The following MORN2 variants were observed in gnomAD, a reference collection of about 807,000 sequenced individuals.
MORN2 encodes MORN repeat containing 2, also known as MORN repeat-containing protein 2.
In MORN2, 15 loss-of-function variants were observed where a neutral mutation model predicts 13.4. The observed-to-expected ratio is 1.12, with a 90% CI of 0.75 to 1.72. The LOEUF is 1.72. Ranked by LOEUF, MORN2 falls within the 40% of genes most tolerant of loss-of-function variation. The probability of loss-of-function intolerance (pLI) is 0.00; values close to 1 mark genes in which losing one functional copy is unlikely to be tolerated. For synonymous variants in MORN2, 46 were observed against 43.6 expected (o/e 1.06, Z -0.22); for missense variants, 168 against 134.6 (o/e 1.25, Z -1.23).
chr2:38,880,580 A>G lies in MORN2; in HGVS notation c.110-20A>G. ...ATAACTATTCTCATTTATAATCTTC[A>G]GTTTTTCTCCTCTGTTTAGATGGTG... is the stretch of plus-strand genomic sequence containing the variant. On this transcript the variant is annotated intron_variant, in intron 2 of 4. Transcript: ENST00000644631. 7.6e-6 allele frequency: 11 copies of G among 1,451,326 alleles called. No individual in the cohort carries two copies. Among genetic ancestry groups the G allele is most frequent in the Non-Finnish European group, 1.0e-5 (11 of 1,080,792 alleles). The allele number at this position is 1,451,326 out of a possible 1,614,324, so 89.9% of individuals were successfully genotyped here.
Position 38,881,479 on chromosome 2 carries a change from C to T in MORN2, c.254C>T (p.Ala85Val). ...GGAAGACTTGAGCATTTTTCAGGAG[C>T]AGTATATGAAGGACAATTTAAGGAT... Residue 85 changes from alanine (A) to valine (V), a missense_variant, in exon 4 of 5, where the codon GCA becomes GTA. Physicochemically the swap from Ala to Val is moderately conservative, Grantham distance 64. Transcript: ENST00000644631. The T allele has an allele frequency of 6.5e-7, 1 of 1,540,182 alleles. No homozygotes were observed. The highest frequency in any genetic ancestry group is 8.7e-7 in the Non-Finnish European group (1 of 1,143,154).
intron 1 of MORN2, among the ~76,000 whole-genome samples, chr2:38,879,328 A>G (rs1427899275): frequency 6.6e-6 from 1 of 152,200 alleles, no homozygotes; most frequent in African/African-American, 2.4e-5. Flanking sequence ...GAAAATGTAC[A>G]TCAGTGTTTA....
rs1011261026 is a variant in MORN2, at chr2:38,881,545, G to A, written c.320G>A (p.Gly107Glu). 3 of 1,534,016 alleles carry A rather than the reference G, an allele frequency of 2.0e-6. No individual in the cohort carries two copies. The highest frequency in any genetic ancestry group is 2.6e-6 in the Non-Finnish European group (3 of 1,141,110). The change falls in exon 4 of 5, where the codon GGG (glycine) becomes GAG (glutamate). Residue 107 changes from glycine (G) to glutamate (E), a missense_variant. Transcript: ENST00000644631. Reference sequence around the variant, plus strand: ...CTGGGGACTTACACATTCCCAAATGGGGCAAAGTATACTGGAAATTTCAAT... The same window carrying A: ...CTGGGGACTTACACATTCCCAAATGAGGCAAAGTATACTGGAAATTTCAAT...
In MORN2 at chr2:38,881,550, A is replaced by C. The variant is rs1028053092; in HGVS notation, c.325A>C (p.Lys109Gln). ...GACTTACACATTCCCAAATGGGGCA[A>C]AGTATACTGGAAATTTCAATGAAAA... The change falls in exon 4 of 5, where the codon AAG becomes CAG. Residue 109 changes from lysine (K) to glutamine (Q), a missense_variant. By Grantham distance (53) the Lys-to-Gln change is moderately conservative. Coordinates refer to ENST00000644631, the MANE Select transcript of MORN2 (RefSeq NM_001145450.3). 6.5e-7 allele frequency: 1 copy of C among 1,529,192 alleles called. No individual in the cohort carries two copies. The highest frequency in any genetic ancestry group is 8.8e-7 in the Non-Finnish European group (1 of 1,140,238). The allele number at this position is 1,529,192 out of a possible 1,614,324, so 94.7% of individuals were successfully genotyped here. A position where few individuals can be genotyped will look rare whatever the true frequency, so the allele number is the denominator to read the frequency against.
intron 3 of MORN2, 84 bp downstream of exon 3, chr2:38,880,790 A>G (rs1027807018): frequency 6.9e-7 from 1 of 1,440,968 alleles, no homozygotes; most frequent in Non-Finnish European, 9.4e-7. Flanking sequence ...TTAATCAAAA[A>G]CTCCTATAAT....
chr2:38,877,286 ATAAATTAAAT>A (rs1174192370), intron 1 of MORN2, among the ~76,000 whole-genome samples: 6 of 93,594 alleles, frequency 6.4e-5, no homozygotes, highest in East Asian at 5.3e-4. Context: ...AAATAAATAA[ATAAATTAAAT>A]TAAATTAAAT....
intron 3 of MORN2, 68 bp downstream of exon 3, chr2:38,880,774 T>TC (rs1169075755): frequency 4.0e-6 from 6 of 1,517,520 alleles, no homozygotes; most frequent in Non-Finnish European, 5.3e-6. Flanking sequence ...TCCAGGCATT[T>TC]CACCATTAAT....
At chr2:38,877,191 G>A (rs1364099289) in intron 1 of MORN2, among the ~76,000 whole-genome samples, 1 of 152,078 alleles carries the variant, frequency 6.6e-6, no homozygotes. Flanking sequence ...GCGTGAACCC[G>A]GGAGGCGGAG....
At position 38,881,583 on chromosome 2, in the gene MORN2, G is replaced by A. The variant is rs1266922892; in HGVS notation, c.353+5G>A. ...TGGAAATTTCAATGAAAATAGGTAA[G>A]CTTAAAATAAAAAAAAATCACTGCA... On this transcript the variant is annotated splice_donor_5th_base_variant and intron_variant, in intron 4 of 4. Coordinates refer to ENST00000644631, the MANE Select transcript of MORN2 (RefSeq NM_001145450.3). The A allele has an allele frequency of 2.0e-6, 3 of 1,492,664 alleles. No homozygotes were observed. Among genetic ancestry groups the A allele is most frequent in the Non-Finnish European group, 1.8e-6 (2 of 1,125,110 alleles). The allele number at this position is 1,492,664 out of a possible 1,614,324, so 92.5% of individuals were successfully genotyped here.
In MORN2 at chr2:38,882,612, C is replaced by A; in HGVS notation, c.*97C>A. The A allele has an allele frequency of 1.3e-6, 1 of 791,064 alleles. No homozygotes were observed. The highest frequency in any genetic ancestry group is 2.0e-6 in the Non-Finnish European group (1 of 503,840). 49.0% of individuals were successfully genotyped at this position (791,064 alleles called of 1,614,324 possible). On this transcript the variant is annotated 3_prime_UTR_variant, in exon 5 of 5. Coordinates refer to ENST00000644631, the MANE Select transcript of MORN2 (RefSeq NM_001145450.3). ...TATTTGAAATGACTTCATACACTAC[C>A]CCTATAAGTTTGCCAATAAAACCAT...
chr2:38,878,575 T>G (rs1022724954), intron 1 of MORN2, among the ~76,000 whole-genome samples: 3 of 152,200 alleles, frequency 2.0e-5, no homozygotes, highest in Admixed American at 6.5e-5. Context: ...TTGTGCTACT[T>G]TCTAAGCACA....
rs1361055235 is a variant in MORN2 at position 38,880,712 on chromosome 2, ATTG to A, written c.216+12_216+14del. 1.9e-6 allele frequency: 3 copies of A among 1,549,758 alleles called. No homozygotes were observed. Among genetic ancestry groups the A allele is most frequent in the Non-Finnish European group, 2.6e-6 (3 of 1,146,662 alleles). ...GAAGCTGGAAAGATGACAAGGTATT[ATTG>A]TTGTTTTTAATATTGGCAGTGGATA... is the stretch of plus-strand genomic sequence containing the variant. On this transcript the variant is annotated splice_region_variant and intron_variant, in intron 3 of 4. Coordinates refer to ENST00000644631, the MANE Select transcript of MORN2 (RefSeq NM_001145450.3).
intron 1 of MORN2, 35 bp from the exon 2 acceptor site, chr2:38,880,144 A>G (rs1213276642): frequency 7.5e-6 from 3 of 398,554 alleles, no homozygotes; most frequent in African/African-American, 6.2e-5. Context: ...AAAAAAAGTA[A>G]ACTTATGTCA....
chr2:38,879,553 A>C (rs1207272303), intron 1 of MORN2, among the ~76,000 whole-genome samples: 1 of 151,976 alleles, frequency 6.6e-6, no homozygotes, highest in African/African-American at 2.4e-5. Flanking sequence ...ATATTATATG[A>C]TTTCATTTAT....
intron 1 of MORN2, among the ~76,000 whole-genome samples, chr2:38,879,025 A>T (rs1665717765): frequency 6.6e-6 from 1 of 152,208 alleles, no homozygotes; most frequent in South Asian, 2.1e-4. Flanking sequence ...GTTTTAGTCC[A>T]GTAAGTGTCC....
At position 38,880,657 on chromosome 2, in the gene MORN2, A is replaced by G; in HGVS notation, c.167A>G (p.His56Arg). ...TACGAGAGAAATGGAATAGGTATTC[A>G]TACCACTCCTAATGGGATTGTCTAC... The change falls in exon 3 of 5, where the codon CAT (histidine) becomes CGT (arginine). Residue 56 changes from histidine (H) to arginine (R), a missense_variant. Transcript: ENST00000644631. The G allele has an allele frequency of 6.5e-7, 1 of 1,549,222 alleles. No homozygotes were observed. Among genetic ancestry groups the G allele is most frequent in the Non-Finnish European group, 8.7e-7 (1 of 1,146,406 alleles).
chr2:38,879,834 A>G (rs921316557), intron 1 of MORN2, among the ~76,000 whole-genome samples: 4 of 152,254 alleles, frequency 2.6e-5, no homozygotes, highest in African/African-American at 9.6e-5. Context: ...AGCTATCATA[A>G]TAAATAAATT....
At position 38,881,461 on chromosome 2, in the gene MORN2, T is replaced by A; in HGVS notation, c.236T>A (p.Leu79His). 1 of 1,538,842 alleles carries A rather than the reference T, an allele frequency of 6.5e-7. No homozygotes were observed. Among genetic ancestry groups the A allele is most frequent in the South Asian group, 1.2e-5 (1 of 80,142 alleles). ...AAACAGATGAATGGTTTTGGAAGAC[T>A]TGAGCATTTTTCAGGAGCAGTATAT... The change falls in exon 4 of 5, where the codon CTT becomes CAT. Residue 79 changes from leucine (L) to histidine (H), a missense_variant. Physicochemically the swap from Leu to His is moderately conservative, Grantham distance 99. Coordinates refer to ENST00000644631, the MANE Select transcript of MORN2 (RefSeq NM_001145450.3).
At chr2:38,881,418 G>A (rs1665774933) in intron 3 of MORN2, 24 bp from the exon 4 acceptor site, 1 of 1,519,934 alleles carries the variant, frequency 6.6e-7, no homozygotes, top group Non-Finnish European at 8.8e-7. Flanking sequence ...TAGTTTCTAA[G>A]GTAATTTCCT....
Sources: allele counts gnomAD v4.1 joint callset (sites outside exome capture counted in the v4.1 genomes callset), GRCh38; gene constraint gnomAD v4.1.1; transcripts MANE v1.5; gene names NCBI Gene and HGNC (gene_info 2026-07-23, HGNC 2026-07-21).